VPS39: variants seen among roughly 807,000 people sequenced by gnomAD.
VPS39 encodes VPS39 subunit of HOPS complex.
VPS39 carries 70 observed loss-of-function variants against 121.0 expected under a neutral mutation model. The observed-to-expected ratio is 0.58, with a 90% CI of 0.48 to 0.71. The LOEUF is 0.71. Among genes scored for constraint, VPS39 ranks in the 30% least tolerant of loss-of-function variants. The pLI is 0.00. For synonymous variants in VPS39, 378 were observed against 398.1 expected (o/e 0.95, Z 0.60); for missense variants, 818 against 1,051.5 (o/e 0.78, Z 3.07).
At chr15:42,183,632 G>C (rs2049636159) in intron 8 of VPS39, among the ~76,000 whole-genome samples, 1 of 152,142 alleles carries the variant, frequency 6.6e-6, no homozygotes, top group East Asian at 1.9e-4. Flanking sequence ...CTTCAAGCCA[G>C]GTTCCAAACT....
chr15:42,184,432 T>C lies in VPS39; in HGVS notation c.718+85A>G, dbSNP rs2049656058. On this transcript the variant is annotated intron_variant, in intron 8 of 24. Transcript: ENST00000318006. ...AATGACACAACGTAAACCAGTCTGCTAAAGCTACGAATGGGACTCCGTTCT... is the reference window on the plus strand; with the variant it reads ...AATGACACAACGTAAACCAGTCTGCCAAAGCTACGAATGGGACTCCGTTCT... 3 of 1,422,982 alleles carry C rather than the reference T, an allele frequency of 2.1e-6. No homozygotes were observed. The East Asian group carries it at 7.1e-5, about 34-fold the overall frequency. The allele number at this position is 1,422,982 out of a possible 1,614,324, so 88.1% of individuals were successfully genotyped here.
At chr15:42,206,934 G>A (rs1418741658) in intron 1 of VPS39, among the ~76,000 whole-genome samples, 1 of 152,204 alleles carries the variant, frequency 6.6e-6, no homozygotes, top group African/African-American at 2.4e-5. Context: ...TTTAATGACA[G>A]AAATTGGTTT....
Position 42,169,872 on chromosome 15 carries a change from T to C in VPS39, c.1091-6A>G, listed in dbSNP as rs2049313991. Reference sequence around the variant, plus strand: ...GCCCATCACATGGGTGGGATCTATATGGAAGGTAAACATGATTCCTCTGGA... The same window carrying C: ...GCCCATCACATGGGTGGGATCTATACGGAAGGTAAACATGATTCCTCTGGA... On this transcript the variant is annotated splice_region_variant and splice_polypyrimidine_tract_variant and intron_variant, in intron 11 of 24. Coordinates refer to ENST00000318006, the MANE Select transcript of VPS39 (RefSeq NM_015289.5). The C allele has an allele frequency of 3.1e-6, 5 of 1,606,926 alleles. No individual in the cohort carries two copies. Among genetic ancestry groups the C allele is most frequent in the Non-Finnish European group, 4.3e-6 (5 of 1,175,984 alleles).
chr15:42,176,537 G>A (rs898663531), intron 10 of VPS39, among the ~76,000 whole-genome samples: 1 of 151,780 alleles, frequency 6.6e-6, no homozygotes, highest in Non-Finnish European at 1.5e-5. Context: ...GTGAGTTCAT[G>A]GGTATTCACT....
chr15:42,206,163 A>G (rs1426300431), intron 1 of VPS39, among the ~76,000 whole-genome samples: 1 of 152,168 alleles, frequency 6.6e-6, no homozygotes, highest in Non-Finnish European at 1.5e-5. Flanking sequence ...TTCCCAGGAG[A>G]CAGAGTATGT....
intron 1 of VPS39, among the ~76,000 whole-genome samples, chr15:42,206,631 T>C (rs145042065): frequency 2.6e-5 from 4 of 152,234 alleles, no homozygotes; most frequent in Admixed American, 6.5e-5. Flanking sequence ...TTCAGAAACA[T>C]ATGTCCTTAG....
chr15:42,164,981 TA>T lies in VPS39; in HGVS notation c.1897+14del. 1 of 1,614,106 alleles carries T rather than the reference TA, an allele frequency of 6.2e-7. No individual in the cohort carries two copies. Among genetic ancestry groups the T allele is most frequent in the South Asian group, 1.1e-5 (1 of 91,074 alleles). On this transcript the variant is annotated intron_variant, in intron 18 of 24. Coordinates refer to ENST00000318006, the MANE Select transcript of VPS39 (RefSeq NM_015289.5). ...TAAGGCCTGGGGCCAACCGGCTTCC[TA>T]AAAGAACTGGTACCTGCAGGGAAGG...
At chr15:42,188,836 C>T (rs922438083) in intron 5 of VPS39, among the ~76,000 whole-genome samples, 1 of 152,016 alleles carries the variant, frequency 6.6e-6, no homozygotes, top group African/African-American at 2.4e-5. Flanking sequence ...CGTGGTGGTG[C>T]ACACCTGTAG....
chr15:42,196,221 G>A (rs917056927), intron 2 of VPS39, among the ~76,000 whole-genome samples: 1 of 151,984 alleles, frequency 6.6e-6, no homozygotes, highest in African/African-American at 2.4e-5. Flanking sequence ...AAAAACCCTA[G>A]AAGAAAACCT....
At chr15:42,168,903 C>A (rs1489817673) in intron 12 of VPS39, among the ~76,000 whole-genome samples, 1 of 152,112 alleles carries the variant, frequency 6.6e-6, no homozygotes, top group Non-Finnish European at 1.5e-5. Flanking sequence ...CAAAGATCTG[C>A]AAAACACTTA....
intron 8 of VPS39, among the ~76,000 whole-genome samples, chr15:42,179,348 T>C (rs1190145833): frequency 6.6e-6 from 1 of 151,290 alleles, no homozygotes; most frequent in Admixed American, 6.6e-5. Context: ...GGCAGGTGGA[T>C]CACGAGGTCA....
At chr15:42,162,531 A>G (rs773445026) in intron 21 of VPS39, 50 bp from the exon 22 acceptor site, 2 of 1,553,746 alleles carry the variant, frequency 1.3e-6, no homozygotes, top group South Asian at 2.4e-5. Flanking sequence ...ACCCTCCCAG[A>G]ACCCCCAGCA....
At chr15:42,170,146 T>C (rs529709900) in intron 11 of VPS39, among the ~76,000 whole-genome samples, 1 of 151,690 alleles carries the variant, frequency 6.6e-6, no homozygotes, top group South Asian at 2.1e-4. Flanking sequence ...AAGTAGAGAA[T>C]AAAAAATTTC....
chr15:42,169,070 T>C (rs2049299519), intron 12 of VPS39, among the ~76,000 whole-genome samples: 2 of 152,316 alleles, frequency 1.3e-5, no homozygotes, highest in South Asian at 4.1e-4. Flanking sequence ...CAGTAAATCA[T>C]AAAAAATTTT....
intron 10 of VPS39, 27 bp from the exon 11 acceptor site, chr15:42,173,879 G>C: frequency 6.2e-7 from 1 of 1,612,732 alleles, no homozygotes; most frequent in South Asian, 1.1e-5. Flanking sequence ...ATATGTAAGA[G>C]TTCACTCACT....
chr15:42,176,168 C>T (rs2049447660), intron 10 of VPS39, among the ~76,000 whole-genome samples: 1 of 152,154 alleles, frequency 6.6e-6, no homozygotes, highest in Non-Finnish European at 1.5e-5. Flanking sequence ...AACCCACTTC[C>T]ATTTTCTTTA....
rs2049504372 is a variant in VPS39 at position 42,178,479 on chromosome 15, C to T, written c.810G>A (p.Leu270=). 6.2e-7 allele frequency: 1 copy of T among 1,614,152 alleles called. No individual in the cohort carries two copies. The highest frequency in any genetic ancestry group is 8.5e-7 in the Non-Finnish European group (1 of 1,180,034). Reference sequence around the variant, plus strand: ...CTGAGGTAATGAAACGGGGCCTTTGCAATTCAATGCTTTGGACCAGAAGCC... The same window carrying T: ...CTGAGGTAATGAAACGGGGCCTTTGTAATTCAATGCTTTGGACCAGAAGCC... ...EPRLLVQSIE[L]QRPRFITSGG... The change falls in exon 9 of 25, where the codon TTG becomes TTA. Residue 270 remains leucine, a synonymous_variant. Transcript: ENST00000318006.
rs764746152 is a variant in VPS39 at position 42,178,480 on chromosome 15, A to G, written c.809T>C (p.Leu270Ser). The change falls in exon 9 of 25, where the codon TTG (leucine) becomes TCG (serine). Residue 270 changes from leucine to serine, a missense_variant. Physicochemically the swap from Leu to Ser is moderately radical, Grantham distance 145. Coordinates refer to ENST00000318006, the MANE Select transcript of VPS39 (RefSeq NM_015289.5). The stretch of plus-strand genomic sequence containing the variant: ...TGAGGTAATGAAACGGGGCCTTTGC[A>G]ATTCAATGCTTTGGACCAGAAGCCT... ...EPRLLVQSIE[L>S]QRPRFITSGG... The G allele has an allele frequency of 6.2e-7, 1 of 1,614,216 alleles. No individual in the cohort carries two copies. The highest frequency in any genetic ancestry group is 1.7e-5 in the Admixed American group (1 of 60,020).
At chr15:42,206,242 C>T (rs1009011020) in intron 1 of VPS39, among the ~76,000 whole-genome samples, 5 of 152,092 alleles carry the variant, frequency 3.3e-5, no homozygotes, top group African/African-American at 7.2e-5. Context: ...AGTTCCTGGA[C>T]GAACTTTCCA....
Sources: allele counts gnomAD v4.1 joint callset (sites outside exome capture counted in the v4.1 genomes callset), GRCh38; gene constraint gnomAD v4.1.1; transcripts MANE v1.5; gene names NCBI Gene and HGNC (gene_info 2026-07-23, HGNC 2026-07-21).